Variants in NCKAP5 observed in about 807,000 individuals in gnomAD.
The protein encoded by NCKAP5 is nck-associated protein 5.
A neutral mutation model predicts 167.0 loss-of-function variants in NCKAP5; 92 were observed. The observed-to-expected ratio is 0.55, with a 90% CI of 0.47 to 0.66. The LOEUF (loss-of-function observed/expected upper bound fraction) is 0.66, where lower values mean the gene tolerates loss of function less well. Among genes scored for constraint, NCKAP5 ranks in the 30% least tolerant of loss-of-function variants. NCKAP5 has a pLI of 0.00. For synonymous variants in NCKAP5, 891 were observed against 877.4 expected (o/e 1.02, Z -0.27); for missense variants, 2,378 against 2,315.0 (o/e 1.03, Z -0.56).
intron 6 of NCKAP5, among the ~76,000 whole-genome samples, chr2:133,021,729 C>G (rs951475570): frequency 2.6e-5 from 4 of 152,148 alleles, no homozygotes; most frequent in Non-Finnish European, 4.4e-5. Context: ...CTCCTGGGTT[C>G]AAGTAATTCT....
chr2:133,073,666 A>G (rs565249823), intron 6 of NCKAP5, among the ~76,000 whole-genome samples: 2 of 152,214 alleles, frequency 1.3e-5, no homozygotes, highest in African/African-American at 2.4e-5. Context: ...AAGTCTCTCA[A>G]TGAAAGACCC....
chr2:133,410,888 T>C (rs1688732728), intron 3 of NCKAP5, among the ~76,000 whole-genome samples: 2 of 152,156 alleles, frequency 1.3e-5, no homozygotes. Context: ...AGAATCTCTA[T>C]GGGGTGAGGG....
intron 3 of NCKAP5, among the ~76,000 whole-genome samples, chr2:133,358,946 C>T (rs894213531): frequency 6.6e-6 from 1 of 152,200 alleles, no homozygotes; most frequent in Non-Finnish European, 1.5e-5. Context: ...AAACTTGACA[C>T]TATTTGCATA....
intron 6 of NCKAP5, chr2:133,118,996 TTTG>T: frequency 6.6e-6 from 1 of 152,246 alleles, no homozygotes; most frequent in South Asian, 2.1e-4. Flanking sequence ...TGCCCAGTTT[TTTG>T]TTGTTGTTTG....
At chr2:133,023,333 T>C (rs941413586) in intron 6 of NCKAP5, among the ~76,000 whole-genome samples, 1 of 152,260 alleles carries the variant, frequency 6.6e-6, no homozygotes, top group African/African-American at 2.4e-5. Context: ...TATTTTTTCA[T>C]ATTATTTTAA....
chr2:133,265,596 G>A (rs1054769855), intron 4 of NCKAP5, among the ~76,000 whole-genome samples: 86 of 152,284 alleles, frequency 5.6e-4, no homozygotes, highest in African/African-American at 1.9e-3. Context: ...CAGGGCACAC[G>A]CTCCTGGTGA....
chr2:133,393,337 T>G (rs55979823), intron 3 of NCKAP5, among the ~76,000 whole-genome samples: 32,973 of 152,166 alleles, frequency 0.22, 4,210 homozygotes, highest in Middle Eastern at 0.39. Context: ...GTTGAGCCCA[T>G]GAAAGCTTTA....
At chr2:132,862,789 AC>A (rs1690027305) in intron 10 of NCKAP5, among the ~76,000 whole-genome samples, 1 of 151,726 alleles carries the variant, frequency 6.6e-6, no homozygotes, top group Admixed American at 6.6e-5. Context: ...CCAAAAAAAA[AC>A]AAAGGTGAAA....
chr2:132,984,143 C>T (rs2077218992), intron 7 of NCKAP5, among the ~76,000 whole-genome samples: 2 of 152,026 alleles, frequency 1.3e-5, no homozygotes, highest in South Asian at 4.2e-4. Flanking sequence ...GTTGAGCTGT[C>T]CAGAAAAGAT....
At chr2:133,524,783 A>G (rs1476860223) in intron 2 of NCKAP5, among the ~76,000 whole-genome samples, 1 of 152,244 alleles carries the variant, frequency 6.6e-6, no homozygotes, top group Non-Finnish European at 1.5e-5. Context: ...ACGTACCTAC[A>G]GCAGTCTCAT....
chr2:133,616,139 C>T, the NCKAP5 span, among the ~76,000 whole-genome samples: 119 of 151,952 alleles, frequency 7.8e-4, no homozygotes, highest in African/African-American at 2.6e-3. Context: ...ATCCCTGGGA[C>T]GCATTCAAAG....
At chr2:133,506,057 C>T (rs975213609) in intron 3 of NCKAP5, among the ~76,000 whole-genome samples, 3 of 152,186 alleles carry the variant, frequency 2.0e-5, no homozygotes, top group African/African-American at 7.2e-5. Context: ...AACATTTCAA[C>T]TCCAGCTCTA....
rs138839330 is a variant in NCKAP5, at chr2:132,809,615, G to A, written c.808-12886C>T. On this transcript the variant is annotated intron_variant, in intron 11 of 19. Transcript: ENST00000409261. ...GCTGGCTTTTGGTGTCCATTTGTACGAAATGCCCTTTTCCATCCCTTTAAG... is the reference window on the plus strand; with the variant it reads ...GCTGGCTTTTGGTGTCCATTTGTACAAAATGCCCTTTTCCATCCCTTTAAG... Among the ~76,000 whole-genome samples the A allele has an allele frequency of 3.4e-4, 51 of 152,172 alleles. 1 individual carries two copies. The East Asian group carries it at 7.1e-3, about 21-fold the overall frequency.
At chr2:132,938,750 G>C (rs1697044950) in intron 8 of NCKAP5, among the ~76,000 whole-genome samples, 1 of 152,160 alleles carries the variant, frequency 6.6e-6, no homozygotes, top group Non-Finnish European at 1.5e-5. Context: ...GGGAATAACA[G>C]AGAATGTTAG....
chr2:133,411,988 C>A (rs1222444781), intron 3 of NCKAP5, among the ~76,000 whole-genome samples: 4 of 152,184 alleles, frequency 2.6e-5, no homozygotes, highest in Non-Finnish European at 5.9e-5. Flanking sequence ...TCCTGTTCAT[C>A]TGCATATCAG....
At chr2:133,596,744 A>C in the NCKAP5 span, among the ~76,000 whole-genome samples, 2 of 151,374 alleles carry the variant, frequency 1.3e-5, no homozygotes, top group African/African-American at 4.9e-5. Context: ...AGGTGAGGAA[A>C]GCCATGGTAC....
At chr2:133,461,414 C>T (rs1033273202) in intron 3 of NCKAP5, among the ~76,000 whole-genome samples, 1 of 152,098 alleles carries the variant, frequency 6.6e-6, no homozygotes, top group African/African-American at 2.4e-5. Flanking sequence ...AACAGCTACG[C>T]ATTAGGGTAA....
intron 8 of NCKAP5, among the ~76,000 whole-genome samples, chr2:132,935,841 C>T (rs374713365): frequency 3.9e-5 from 6 of 152,030 alleles, no homozygotes; most frequent in African/African-American, 9.7e-5. Context: ...GATGTGGTGT[C>T]GCACTTCATG....
intron 2 of NCKAP5, among the ~76,000 whole-genome samples, chr2:133,539,291 T>C (rs1366142786): frequency 1.3e-5 from 2 of 152,054 alleles, no homozygotes; most frequent in African/African-American, 4.8e-5. Flanking sequence ...TAAAACCTAG[T>C]TCTAGTTGGG....
Sources: gnomAD v4.1 joint callset for allele counts (sites outside exome capture counted in the v4.1 genomes callset) on GRCh38, gnomAD v4.1.1 for gene constraint, MANE v1.5 for transcripts, NCBI Gene and HGNC (gene_info 2026-07-23, HGNC 2026-07-21) for gene names.